EPM2A: variants seen among roughly 807,000 people sequenced by gnomAD.
EPM2A encodes EPM2A glucan phosphatase, laforin, also known as laforin.
A neutral mutation model predicts 26.5 loss-of-function variants in EPM2A; 21 were observed. The observed-to-expected ratio is 0.79, with a 90% CI of 0.56 to 1.14. The LOEUF is 1.14. Among genes scored for constraint, EPM2A ranks in the 50% most tolerant of loss-of-function variants. The probability of loss-of-function intolerance (pLI) is 0.00; values close to 1 mark genes in which losing one functional copy is unlikely to be tolerated. For synonymous variants in EPM2A, 217 were observed against 177.6 expected (o/e 1.22, Z -1.76); for missense variants, 458 against 440.8 (o/e 1.04, Z -0.35).
chr6:145,671,812 G>A (rs1218466238), intron 2 of EPM2A, among the ~76,000 whole-genome samples: 5 of 152,144 alleles, frequency 3.3e-5, no homozygotes, highest in Admixed American at 3.3e-4. Flanking sequence ...TTCTTTCTGA[G>A]CCAAAGAAGG....
intron 2 of EPM2A, among the ~76,000 whole-genome samples, chr6:145,658,415 T>C (rs1778449793): frequency 6.6e-6 from 1 of 152,216 alleles, no homozygotes; most frequent in Non-Finnish European, 1.5e-5. Flanking sequence ...TGTCTCTCAT[T>C]ACTATTACTA....
chr6:145,641,833 A>C (rs934347823), intron 2 of EPM2A, among the ~76,000 whole-genome samples: 1 of 152,148 alleles, frequency 6.6e-6, no homozygotes, highest in East Asian at 1.9e-4. Context: ...TGACTGAAAT[A>C]CGTGGGCCCC....
At chr6:145,690,496 G>A (rs9399562) in intron 1 of EPM2A, among the ~76,000 whole-genome samples, 75,175 of 138,766 alleles carry the variant, frequency 0.54, 20,524 homozygotes, top group East Asian at 0.67. Context: ...CGGCCTGGGC[G>A]ACAGAGCGAG....
intron 2 of EPM2A, among the ~76,000 whole-genome samples, chr6:145,591,752 G>A (rs9497357): frequency 0.38 from 58,075 of 151,708 alleles, 11,421 homozygotes; most frequent in South Asian, 0.52. Context: ...ATAAAGAAAG[G>A]AAGAGATACA....
At chr6:145,523,764 CT>C (rs889849429) in intron 2 of EPM2A, among the ~76,000 whole-genome samples, 1 of 151,992 alleles carries the variant, frequency 6.6e-6, no homozygotes, top group African/African-American at 2.4e-5. Context: ...TGTCCCTCAC[CT>C]TTTTTTTCAT....
intron 1 of EPM2A, among the ~76,000 whole-genome samples, chr6:145,689,377 AC>A (rs1394541880): frequency 2.0e-5 from 3 of 152,342 alleles, no homozygotes; most frequent in Admixed American, 2.0e-4. Context: ...TAGTCCTCCC[AC>A]TAAGTATAAT....
chr6:145,673,773 C>T (rs896242052), intron 2 of EPM2A, among the ~76,000 whole-genome samples: 3 of 152,090 alleles, frequency 2.0e-5, no homozygotes, highest in Non-Finnish European at 4.4e-5. Flanking sequence ...ACAAAGTGGC[C>T]AGGAAGCTCA....
At chr6:145,543,597 A>G (rs1281925931) in intron 2 of EPM2A, among the ~76,000 whole-genome samples, 2 of 152,056 alleles carry the variant, frequency 1.3e-5, no homozygotes, top group African/African-American at 2.4e-5. Context: ...TAATTTAAAG[A>G]AAAAAAAGTA....
chr6:145,547,401 A>G (rs538968386), intron 2 of EPM2A, among the ~76,000 whole-genome samples: 1 of 152,224 alleles, frequency 6.6e-6, no homozygotes, highest in South Asian at 2.1e-4. Flanking sequence ...CAGTGGCCAC[A>G]TTTATGTTGA....
At chr6:145,728,512 CT>C (rs1562528130) in intron 1 of EPM2A, among the ~76,000 whole-genome samples, 1 of 152,186 alleles carries the variant, frequency 6.6e-6, no homozygotes, top group African/African-American at 2.4e-5. Context: ...CAGCATTGTG[CT>C]CCTGCTCTAG....
At chr6:145,625,264 A>T (rs1293313121), downstream of EPM2A, 3 of 155,610 alleles carry the variant, frequency 1.9e-5, no homozygotes, top group African/African-American at 7.2e-5. Flanking sequence ...TCTAGATTTC[A>T]GACTAAGCTG....
At chr6:145,554,604 G>A (rs1780701825) in intron 2 of EPM2A, among the ~76,000 whole-genome samples, 1 of 152,064 alleles carries the variant, frequency 6.6e-6, no homozygotes. Flanking sequence ...TGGAGGCTAG[G>A]AGGTCCAATA....
chr6:145,388,320 C>A (rs1778290369), intron 4 of EPM2A, among the ~76,000 whole-genome samples: 1 of 152,058 alleles, frequency 6.6e-6, no homozygotes. Context: ...CTTTCTTGAC[C>A]TCATCCCTTA....
intron 2 of EPM2A, among the ~76,000 whole-genome samples, chr6:145,516,436 A>G (rs1042086244): frequency 6.6e-6 from 1 of 152,174 alleles, no homozygotes; most frequent in African/African-American, 2.4e-5. Context: ...CCTAGTGATT[A>G]AATTAGAGGT....
At chr6:145,508,788 G>C (rs964269919) in intron 2 of EPM2A, among the ~76,000 whole-genome samples, 2 of 152,258 alleles carry the variant, frequency 1.3e-5, no homozygotes, top group South Asian at 4.1e-4. Flanking sequence ...TCAAAATGTG[G>C]ATGGCAAAGA....
intron 4 of EPM2A, among the ~76,000 whole-genome samples, chr6:145,449,252 G>C (rs1779167022): frequency 6.6e-6 from 1 of 152,142 alleles, no homozygotes; most frequent in Admixed American, 6.5e-5. Flanking sequence ...GGTTTCAGGT[G>C]GTGAAGGTAT....
chr6:145,485,142 A>T (rs1462928852), intron 4 of EPM2A, among the ~76,000 whole-genome samples: 2 of 151,888 alleles, frequency 1.3e-5, no homozygotes. Context: ...CTGAGAATGG[A>T]AAGTTGCCTG....
chr6:145,642,016 G>C (rs1777121670), intron 2 of EPM2A, among the ~76,000 whole-genome samples: 1 of 152,176 alleles, frequency 6.6e-6, no homozygotes, highest in African/African-American at 2.4e-5. Flanking sequence ...GTCCAAGAGA[G>C]TTTGGCCTTC....
intron 4 of EPM2A, among the ~76,000 whole-genome samples, chr6:145,489,360 T>C (rs1317276117): frequency 6.6e-6 from 1 of 152,186 alleles, no homozygotes; most frequent in African/African-American, 2.4e-5. Flanking sequence ...TGAAAATAGA[T>C]ACAGTCATAT....
Sources: allele counts gnomAD v4.1 joint callset (sites outside exome capture counted in the v4.1 genomes callset), GRCh38; gene constraint gnomAD v4.1.1; transcripts MANE v1.5; gene names NCBI Gene and HGNC (gene_info 2026-07-23, HGNC 2026-07-21).